The following PRKG2 variants were observed in gnomAD, a reference collection of about 807,000 sequenced individuals.
PRKG2 encodes cGMP-dependent protein kinase 2.
A neutral mutation model predicts 97.2 loss-of-function variants in PRKG2; 33 were observed. That is an observed-to-expected ratio of 0.34 (90% confidence interval 0.26 to 0.45). PRKG2 has a LOEUF of 0.45. Ranked by LOEUF, PRKG2 falls within the 20% of genes least tolerant of loss-of-function variation. PRKG2 has a pLI of 1.00. For synonymous variants in PRKG2, 330 were observed against 321.8 expected (o/e 1.03, Z -0.27); for missense variants, 638 against 900.0 (o/e 0.71, Z 3.73).
At chr4:81,111,694 T>C (rs1485132173) in intron 14 of PRKG2, among the ~76,000 whole-genome samples, 4 of 152,064 alleles carry the variant, frequency 2.6e-5, no homozygotes, top group South Asian at 2.1e-4. Context: ...AAGAACTCCG[T>C]GCACAGAATA....
intron 1 of PRKG2, among the ~76,000 whole-genome samples, chr4:81,211,679 G>C (rs1325255714): frequency 6.6e-6 from 1 of 152,072 alleles, no homozygotes; most frequent in Non-Finnish European, 1.5e-5. Flanking sequence ...ATAGTTTAAG[G>C]ATTAAAGCTC....
intron 17 of PRKG2, among the ~76,000 whole-genome samples, chr4:81,103,817 G>A (rs1240869955): frequency 6.6e-6 from 1 of 152,138 alleles, no homozygotes; most frequent in Non-Finnish European, 1.5e-5. Context: ...TGGATCATGA[G>A]GTCAGGAGTT....
intron 2 of PRKG2, among the ~76,000 whole-genome samples, chr4:81,197,275 A>G (rs896793938): frequency 1.3e-5 from 2 of 152,194 alleles, no homozygotes; most frequent in Admixed American, 6.5e-5. Context: ...GAAAAGAAAA[A>G]AAAAGGGTCA....
chr4:81,143,901 C>A (rs1435410912), intron 10 of PRKG2, among the ~76,000 whole-genome samples: 1 of 152,184 alleles, frequency 6.6e-6, no homozygotes, highest in Non-Finnish European at 1.5e-5. Flanking sequence ...TAACCCTGCT[C>A]TTTACCTCTA....
intron 6 of PRKG2, among the ~76,000 whole-genome samples, chr4:81,160,589 G>C (rs1056766946): frequency 1.3e-5 from 2 of 152,086 alleles, no homozygotes; most frequent in Admixed American, 6.6e-5. Context: ...TCCTTGAAAA[G>C]CAACCTCTTG....
At chr4:81,122,122 A>G (rs1363291843) in intron 14 of PRKG2, among the ~76,000 whole-genome samples, 4 of 152,160 alleles carry the variant, frequency 2.6e-5, no homozygotes, top group Admixed American at 6.5e-5. Flanking sequence ...GAGTAAAACC[A>G]AGTTTTCTCC....
chr4:81,095,780 G>C (rs1276557090), intron 17 of PRKG2, among the ~76,000 whole-genome samples: 5 of 152,132 alleles, frequency 3.3e-5, no homozygotes, highest in Non-Finnish European at 7.4e-5. Flanking sequence ...TAATTTCAAA[G>C]ACTAGAAATA....
chr4:81,119,923 C>G lies in PRKG2; in HGVS notation c.1777-9312G>C, dbSNP rs140855606. ...TCTCCTGACCTTGTGATCCGCCCAC[C>G]TCAGCCTCCCAAACAAATTGAATTG... On this transcript the variant is annotated intron_variant, in intron 14 of 18. Transcript: ENST00000264399. Among the ~76,000 whole-genome samples, 235 of 152,210 alleles carry G rather than the reference C, an allele frequency of 1.5e-3. 2 individuals are homozygous for G. Among genetic ancestry groups the G allele is most frequent in the African/African-American group, 5.1e-3 (213 of 41,534 alleles).
At chr4:81,093,497 C>T (rs1048819039) in intron 17 of PRKG2, among the ~76,000 whole-genome samples, 9 of 152,062 alleles carry the variant, frequency 5.9e-5, no homozygotes, top group Admixed American at 2.0e-4. Flanking sequence ...TGTTTACTTT[C>T]TATCTCCCCA....
chr4:81,158,211 T>G (rs1390123347), intron 6 of PRKG2, among the ~76,000 whole-genome samples: 3 of 148,432 alleles, frequency 2.0e-5, no homozygotes, highest in South Asian at 2.1e-4. Flanking sequence ...CTCCTTAAGC[T>G]GATAAGCAAC....
At chr4:81,162,982 T>C (rs1279330634) in intron 6 of PRKG2, among the ~76,000 whole-genome samples, 2 of 152,096 alleles carry the variant, frequency 1.3e-5, no homozygotes, top group African/African-American at 4.8e-5. Flanking sequence ...TGTGCAGAGG[T>C]GTGGCTTTAA....
rs116562837 is a variant in PRKG2 at position 81,192,897 on chromosome 4, T to C, written c.461+11690A>G. Among the ~76,000 whole-genome samples, 485 of 152,338 alleles carry C rather than the reference T, an allele frequency of 3.2e-3. 4 individuals are homozygous for C. Among genetic ancestry groups the C allele is most frequent in the African/African-American group, 9.9e-3 (410 of 41,578 alleles). ...CCCCAACTTACACAGTCAACATTTC[T>C]TGAAGCAATAAATTTTCATCCTCTA... On this transcript the variant is annotated intron_variant, in intron 2 of 18. Coordinates refer to ENST00000264399, the MANE Select transcript of PRKG2 (RefSeq NM_006259.3).
chr4:81,201,615 AC>A lies in PRKG2; in HGVS notation c.461+2971del, dbSNP rs529456588. Among the ~76,000 whole-genome samples, 176 of 152,316 alleles carry A rather than the reference AC, an allele frequency of 1.2e-3. 4 individuals are homozygous for A. The highest frequency in any genetic ancestry group is 3.8e-3 in the African/African-American group (158 of 41,574). ...GCCTAGCAATTGAAGAGGCTCACTC[AC>A]CACTTATGATATATCTAAGCACAGG... On this transcript the variant is annotated intron_variant, in intron 2 of 18. Coordinates refer to ENST00000264399, the MANE Select transcript of PRKG2 (RefSeq NM_006259.3).
chr4:81,160,025 G>C (rs1333546646), intron 6 of PRKG2, among the ~76,000 whole-genome samples: 1 of 151,394 alleles, frequency 6.6e-6, no homozygotes, highest in Non-Finnish European at 1.5e-5. Context: ...CGAATTAGTG[G>C]GTGCAGCGCA....
chr4:81,129,016 CT>C (rs1745887684), intron 14 of PRKG2, among the ~76,000 whole-genome samples: 1 of 152,118 alleles, frequency 6.6e-6, no homozygotes, highest in South Asian at 2.1e-4. Context: ...TATGTTGTGT[CT>C]TTGTTCTCAT....
Position 81,153,718 on chromosome 4 carries a change from A to G in PRKG2, c.916T>C (p.Tyr306His), listed in dbSNP as rs1560584673. Residue 306 changes from tyrosine to histidine, a missense_variant, in exon 7 of 19, where the codon TAC becomes CAC. By Grantham distance (83) the Tyr-to-His change is moderately conservative (BLOSUM62 2). This residue lies in a region of PRKG2 where 332 missense variants were observed against 421.7 expected (regional missense o/e 0.79). Transcript: ENST00000264399. ...ATGATGTAATCTCCTTTGTCATAGT[A>G]TTCCTGTTGGGATGAGAGAGAAAGA... ...TKIIDCLEVE[Y>H]YDKGDYIIRE... 6.2e-7 allele frequency: 1 copy of G among 1,602,730 alleles called. No homozygotes were observed.
At chr4:81,145,964 C>G (rs1194632975) in intron 9 of PRKG2, among the ~76,000 whole-genome samples, 1 of 152,134 alleles carries the variant, frequency 6.6e-6, no homozygotes, top group African/African-American at 2.4e-5. Flanking sequence ...ATATTACCTA[C>G]TGTGCAGGGT....
At chr4:81,187,593 T>C (rs773375025) in intron 2 of PRKG2, among the ~76,000 whole-genome samples, 63 of 151,982 alleles carry the variant, frequency 4.1e-4, no homozygotes, top group Admixed American at 1.2e-3. Context: ...CTATTCAACA[T>C]AGTATTGGAA....
intron 6 of PRKG2, among the ~76,000 whole-genome samples, chr4:81,159,371 C>T (rs1749408266): frequency 6.6e-6 from 1 of 152,190 alleles, no homozygotes; most frequent in Admixed American, 6.5e-5. Flanking sequence ...CTCATCATCA[C>T]TGGCCATCAG....
Sources: gnomAD v4.1 joint callset for allele counts (sites outside exome capture counted in the v4.1 genomes callset) on GRCh38, gnomAD v4.1.1 for gene constraint, gnomAD v4.1.1 regional missense constraint, MANE v1.5 for transcripts, NCBI Gene and HGNC (gene_info 2026-07-23, HGNC 2026-07-21) for gene names.